The following ZNRF3 variants were observed in gnomAD, a reference collection of about 807,000 sequenced individuals.
ZNRF3 encodes zinc and ring finger 3.
A neutral mutation model predicts 72.5 loss-of-function variants in ZNRF3; 23 were observed. The observed-to-expected ratio is 0.32, with a 90% CI of 0.23 to 0.45. The LOEUF (loss-of-function observed/expected upper bound fraction) is 0.45, where lower values mean the gene tolerates loss of function less well. Among genes scored for constraint, ZNRF3 ranks in the 20% least tolerant of loss-of-function variants. ZNRF3 has a pLI of 1.00. For missense variants in ZNRF3, 1,169 were observed against 1,272.1 expected (o/e 0.92, Z 1.23); for synonymous variants, 610 against 545.3 (o/e 1.12, Z -1.65).
chr22:28,984,967 G>A (rs150909476), intron 1 of ZNRF3, among the ~76,000 whole-genome samples: 1 of 152,276 alleles, frequency 6.6e-6, no homozygotes, highest in African/African-American at 2.4e-5. Flanking sequence ...TTCCCAAGGG[G>A]TGGGATATCT....
intron 8 of ZNRF3, among the ~76,000 whole-genome samples, chr22:29,051,368 A>G (rs2037202905): frequency 6.6e-6 from 1 of 152,130 alleles, no homozygotes; most frequent in East Asian, 1.9e-4. Context: ...CAACATGGCA[A>G]AACCATGGAG....
chr22:28,927,524 A>C (rs1400046946), intron 1 of ZNRF3, among the ~76,000 whole-genome samples: 3 of 152,236 alleles, frequency 2.0e-5, no homozygotes, highest in African/African-American at 7.2e-5. Context: ...GAATGGCTTT[A>C]TATGAACTAT....
chr22:28,897,173 C>T (rs2034013049), intron 1 of ZNRF3, among the ~76,000 whole-genome samples: 2 of 152,180 alleles, frequency 1.3e-5, no homozygotes, highest in Non-Finnish European at 1.5e-5. Flanking sequence ...TCTTTCGTGG[C>T]GTCCTGTTGC....
intron 1 of ZNRF3, among the ~76,000 whole-genome samples, chr22:28,970,754 A>C (rs1485576903): frequency 6.6e-6 from 1 of 152,174 alleles, no homozygotes; most frequent in African/African-American, 2.4e-5. Flanking sequence ...CCTTCCCCCC[A>C]AAAAAGAGTG....
At chr22:28,924,028 G>A (rs1374382769) in intron 1 of ZNRF3, among the ~76,000 whole-genome samples, 1 of 152,272 alleles carries the variant, frequency 6.6e-6, no homozygotes, top group Non-Finnish European at 1.5e-5. Context: ...CAAAGGCGCC[G>A]CGCACCGGGG....
rs1157671358 is a variant in ZNRF3, at chr22:29,049,498, C to G, written c.1317C>G (p.Ala439=). Reference sequence around the variant, plus strand: ...ACCGCTGCGGCCTGGAGCACCGGGCCTACTCCCCAGCCCACCCCTTCCGCA... The same window carrying G: ...ACCGCTGCGGCCTGGAGCACCGGGCGTACTCCCCAGCCCACCCCTTCCGCA... The part of the protein sequence containing the change: ...AAHRCGLEHR[A]YSPAHPFRRP... Residue 439 remains alanine (A), a synonymous_variant, in exon 8 of 9, where the codon GCC becomes GCG. Transcript: ENST00000544604. The surrounding 1 kb of genome is among the most constrained non-coding windows in gnomAD (Gnocchi z 5.2). The G allele has an allele frequency of 1.2e-6, 2 of 1,605,032 alleles. No homozygotes were observed. Among genetic ancestry groups the G allele is most frequent in the East Asian group, 4.5e-5 (2 of 44,848 alleles).
rs373485021 is a variant in ZNRF3, at chr22:29,049,484, C to G, written c.1303C>G (p.Leu435Val). ...DHSLAAHRCG[L>V]EHRAYSPAHP... ...CAGCCTGGCCGCTCACCGCTGCGGC[C>G]TGGAGCACCGGGCCTACTCCCCAGC... Residue 435 changes from leucine to valine, a missense_variant, in exon 8 of 9, where the codon CTG (leucine) becomes GTG (valine). This residue lies in a region of ZNRF3 where 783 missense variants were observed against 731.4 expected (regional missense o/e 1.07). Transcript: ENST00000544604. This position sits in a 1 kb window ranked among gnomAD's most constrained non-coding sequence, Gnocchi z 5.2. 9.3e-6 allele frequency: 15 copies of G among 1,604,916 alleles called. No homozygotes were observed. In the African/African-American group the frequency reaches 1.6e-4, roughly 17 times the overall value.
At chr22:28,945,996 C>CTGAAATT (rs1320516758) in intron 1 of ZNRF3, among the ~76,000 whole-genome samples, 1 of 152,132 alleles carries the variant, frequency 6.6e-6, no homozygotes, top group African/African-American at 2.4e-5. Context: ...ATCTGAAAAT[C>CTGAAATT]TGAAATTTGA....
intron 1 of ZNRF3, among the ~76,000 whole-genome samples, chr22:28,912,240 C>T (rs908994657): frequency 6.6e-6 from 1 of 152,170 alleles, no homozygotes; most frequent in Non-Finnish European, 1.5e-5. Flanking sequence ...AACCAAAGCA[C>T]GTGTCAGCTT....
intron 2 of ZNRF3, among the ~76,000 whole-genome samples, chr22:29,040,853 G>T (rs1471441627): frequency 6.6e-6 from 1 of 152,210 alleles, no homozygotes; most frequent in Non-Finnish European, 1.5e-5. Context: ...AAAAGCTATA[G>T]GGTGAGACTG....
At chr22:28,917,754 G>A (rs2034435694) in intron 1 of ZNRF3, among the ~76,000 whole-genome samples, 1 of 152,182 alleles carries the variant, frequency 6.6e-6, no homozygotes, top group African/African-American at 2.4e-5. Context: ...AGGATCTCCT[G>A]GCTTGCCATT....
At chr22:29,018,152 C>T in intron 2 of ZNRF3, 1 of 463,468 alleles carries the variant, frequency 2.2e-6, no homozygotes, top group South Asian at 1.6e-5. Context: ...GGAATTGAGA[C>T]TTGAATCTGA....
chr22:28,981,716 GC>G (rs1236866380), intron 1 of ZNRF3, among the ~76,000 whole-genome samples: 2 of 152,212 alleles, frequency 1.3e-5, no homozygotes, highest in Non-Finnish European at 2.9e-5. Flanking sequence ...TTTGAGTTCA[GC>G]CGGGTGCGAT....
chr22:28,887,897 T>C (rs1271479021), intron 1 of ZNRF3, among the ~76,000 whole-genome samples: 2 of 152,218 alleles, frequency 1.3e-5, no homozygotes, highest in African/African-American at 4.8e-5. Context: ...GCTAGTGGTA[T>C]GTGGATTGGT....
chr22:28,994,641 G>A (rs2036018668), intron 2 of ZNRF3, among the ~76,000 whole-genome samples: 1 of 152,080 alleles, frequency 6.6e-6, no homozygotes. Context: ...AAAAAGTACT[G>A]GAGATGAGTG....
At chr22:29,017,059 C>T (rs777571565) in intron 2 of ZNRF3, among the ~76,000 whole-genome samples, 3 of 152,204 alleles carry the variant, frequency 2.0e-5, no homozygotes, top group Non-Finnish European at 2.9e-5. Flanking sequence ...TTGTCTATTT[C>T]CATTTCCAAA....
chr22:28,976,994 C>T (rs1271968769), intron 1 of ZNRF3, among the ~76,000 whole-genome samples: 2 of 152,000 alleles, frequency 1.3e-5, no homozygotes, highest in Non-Finnish European at 2.9e-5. Flanking sequence ...AATTCTAGGG[C>T]GTGGGAGATA....
intron 2 of ZNRF3, among the ~76,000 whole-genome samples, chr22:28,998,917 A>C (rs1316398604): frequency 6.6e-6 from 1 of 152,136 alleles, no homozygotes; most frequent in Non-Finnish European, 1.5e-5. Context: ...CCTCCCTGCC[A>C]CTGTCCCCAT....
At chr22:28,952,501 T>TG (rs941694193) in intron 1 of ZNRF3, among the ~76,000 whole-genome samples, 4 of 151,880 alleles carry the variant, frequency 2.6e-5, no homozygotes, top group South Asian at 4.2e-4. Flanking sequence ...CCATGTTTTT[T>TG]TTTTTTTTTT....
Sources: allele counts gnomAD v4.1 joint callset (sites outside exome capture counted in the v4.1 genomes callset), GRCh38; gene constraint gnomAD v4.1.1; regional missense constraint gnomAD v4.1.1; non-coding constraint Gnocchi (gnomAD v3.1); transcripts MANE v1.5; gene names NCBI Gene and HGNC (gene_info 2026-07-23, HGNC 2026-07-21).